Variants in LDLRAD3 observed in about 807,000 individuals in gnomAD.
The protein encoded by LDLRAD3 is low-density lipoprotein receptor class A domain-containing protein 3.
A neutral mutation model predicts 29.4 loss-of-function variants in LDLRAD3; 20 were observed. The ratio of observed to expected loss-of-function variants is 0.68; its 90% CI spans 0.48 to 0.99. The LOEUF is 0.99. Among genes scored for constraint, LDLRAD3 ranks in the 50% least tolerant of loss-of-function variants. The pLI is 0.00. For missense variants in LDLRAD3, 420 were observed against 454.3 expected, an observed-to-expected ratio of 0.92 and a Z score of 0.69; for synonymous variants, 157 against 192.7, an observed-to-expected ratio of 0.81 and a Z score of 1.53.
chr11:36,063,201 G>A (rs1852733474), intron 2 of LDLRAD3, among the ~76,000 whole-genome samples: 1 of 152,142 alleles, frequency 6.6e-6, no homozygotes, highest in Admixed American at 6.5e-5. Flanking sequence ...CTTTGCCTGG[G>A]GAGGAATTGG....
Position 36,054,525 on chromosome 11 carries a change from A to C in LDLRAD3, c.193+18276A>C, listed in dbSNP as rs139836114. ...ACTGAGCCTTCTTTTCCTTCTAAAT[A>C]GAAACATGCCCTCTGGCATCTTCCC... On this transcript the variant is annotated intron_variant, in intron 2 of 5. Coordinates refer to ENST00000315571, the MANE Select transcript of LDLRAD3 (RefSeq NM_174902.4). 9.0e-3 allele frequency among the ~76,000 whole-genome samples: 1,365 copies of C among 152,358 alleles called. 7 individuals carry two copies. The highest frequency in any genetic ancestry group is 0.015 in the Non-Finnish European group (999 of 68,034).
At chr11:35,953,247 C>T (rs569602701) in intron 1 of LDLRAD3, among the ~76,000 whole-genome samples, 6 of 152,268 alleles carry the variant, frequency 3.9e-5, no homozygotes, top group Middle Eastern at 3.4e-3. Flanking sequence ...TCTGTCCTGG[C>T]GAGCGGCCAC....
rs116619553 is a variant in LDLRAD3 at position 36,043,212 on chromosome 11, T to C, written c.193+6963T>C. On this transcript the variant is annotated intron_variant, in intron 2 of 5. Transcript: ENST00000315571. ...CTGTAATCCCAGCTACTTGGGAGAC[T>C]GAGGCACAAGATTTACTTGAACCTG... Among the ~76,000 whole-genome samples, 1,148 of 152,310 alleles carry C rather than the reference T, an allele frequency of 7.5e-3. 11 individuals carry two copies. Among genetic ancestry groups the C allele is most frequent in the African/African-American group, 0.026 (1,075 of 41,562 alleles).
intron 4 of LDLRAD3, among the ~76,000 whole-genome samples, chr11:36,218,735 C>T (rs1855386849): frequency 6.6e-6 from 1 of 152,186 alleles, no homozygotes; most frequent in African/African-American, 2.4e-5. Context: ...GCATCAGTGA[C>T]CAAAGATCAC....
chr11:36,147,869 T>A (rs1363775550), intron 4 of LDLRAD3, among the ~76,000 whole-genome samples: 1 of 152,144 alleles, frequency 6.6e-6, no homozygotes, highest in African/African-American at 2.4e-5. Flanking sequence ...TTGTTTTTTA[T>A]TTTTATTTTT....
chr11:36,075,891 A>G (rs1159787746), intron 2 of LDLRAD3, among the ~76,000 whole-genome samples: 1 of 152,184 alleles, frequency 6.6e-6, no homozygotes, highest in African/African-American at 2.4e-5. Flanking sequence ...GCTATTGGGA[A>G]CTTCAGGTTA....
chr11:35,944,215 T>TGCGATCGCGTCCTCTCCCGGGC lies in LDLRAD3; in HGVS notation c.46+75_46+96dup. On this transcript the variant is annotated intron_variant, in intron 1 of 5. Transcript: ENST00000315571. The surrounding 1 kb of genome is among the most constrained non-coding windows in gnomAD (Gnocchi z 4.9). ...CGGGGCGCGGGGCGCAGCGGCCGGG[T>TGCGATCGCGTCCTCTCCCGGGC]GCGATCGCGTCCTCTCCCGGGCGCG... The TGCGATCGCGTCCTCTCCCGGGC allele has an allele frequency of 2.3e-6, 2 of 868,934 alleles. No homozygotes were observed. Among genetic ancestry groups the TGCGATCGCGTCCTCTCCCGGGC allele is most frequent in the Non-Finnish European group, 2.8e-6 (2 of 723,972 alleles). The allele number at this position is 868,934 out of a possible 1,614,324, so 53.8% of individuals were successfully genotyped here.
intron 2 of LDLRAD3, among the ~76,000 whole-genome samples, chr11:36,054,839 G>GT: frequency 8.5e-6 from 1 of 117,814 alleles, no homozygotes; most frequent in East Asian, 2.6e-4. Context: ...ATGGATGGAT[G>GT]AATGGATGGA....
chr11:36,100,276 C>T (rs1463090188), intron 4 of LDLRAD3, among the ~76,000 whole-genome samples: 5 of 152,172 alleles, frequency 3.3e-5, no homozygotes, highest in Admixed American at 2.0e-4. Context: ...TCTGACTGAA[C>T]GCAACGTATT....
chr11:35,970,116 G>A (rs916552272), intron 1 of LDLRAD3, among the ~76,000 whole-genome samples: 1 of 152,140 alleles, frequency 6.6e-6, no homozygotes, highest in African/African-American at 2.4e-5. Flanking sequence ...AGTGCTTTTA[G>A]GTCATTATTT....
intron 4 of LDLRAD3, among the ~76,000 whole-genome samples, chr11:36,147,746 A>G (rs969903608): frequency 5.9e-5 from 9 of 152,338 alleles, no homozygotes; most frequent in South Asian, 2.1e-4. Flanking sequence ...GACCTCTTAC[A>G]TCACTGCAAA....
intron 4 of LDLRAD3, among the ~76,000 whole-genome samples, chr11:36,154,897 T>A (rs746050177): frequency 2.0e-5 from 3 of 152,164 alleles, no homozygotes; most frequent in Non-Finnish European, 4.4e-5. Flanking sequence ...CAGGAGCTCA[T>A]GCTGTCTTTA....
At chr11:35,955,375 G>T (rs1851188740) in intron 1 of LDLRAD3, among the ~76,000 whole-genome samples, 1 of 152,184 alleles carries the variant, frequency 6.6e-6, no homozygotes, top group South Asian at 2.1e-4. Context: ...CAGGAAGGAA[G>T]CACATCAGTA....
At chr11:36,169,871 G>A (rs4756291) in intron 4 of LDLRAD3, among the ~76,000 whole-genome samples, 121,518 of 152,080 alleles carry the variant, frequency 0.8, 50,704 homozygotes, top group Non-Finnish European at 0.92. Flanking sequence ...TATTTTTTAA[G>A]TTTTTTAATT....
At chr11:35,989,156 G>A (rs997556482) in intron 1 of LDLRAD3, 32 of 152,010 alleles carry the variant, frequency 2.1e-4, no homozygotes, top group African/African-American at 7.0e-4. Context: ...TATTTTTGTC[G>A]ACTTTGTAAA....
chr11:36,014,901 G>T (rs562839213), intron 1 of LDLRAD3, among the ~76,000 whole-genome samples: 2 of 152,098 alleles, frequency 1.3e-5, no homozygotes, highest in Non-Finnish European at 2.9e-5. Flanking sequence ...ACAAAAGAAG[G>T]GGGGAGCCCC....
intron 4 of LDLRAD3, among the ~76,000 whole-genome samples, chr11:36,136,080 C>T (rs953823417): frequency 5.9e-5 from 9 of 152,172 alleles, no homozygotes; most frequent in Non-Finnish European, 1.2e-4. Flanking sequence ...ATAAGATATT[C>T]CTTCTATATA....
chr11:35,968,618 G>A lies in LDLRAD3; in HGVS notation c.46+24474G>A, dbSNP rs562076905. The A allele has an allele frequency of 9.8e-5, 17 of 172,676 alleles. No homozygotes were observed. In the South Asian group the frequency reaches 2.5e-3, roughly 26 times the overall value. The allele number at this position is 172,676 out of a possible 1,614,324, so 10.7% of individuals were successfully genotyped here. On this transcript the variant is annotated intron_variant, in intron 1 of 5. Coordinates refer to ENST00000315571, the MANE Select transcript of LDLRAD3 (RefSeq NM_174902.4). Reference sequence around the variant, plus strand: ...GCTCTGGGCCTCCCTGCTTCCCTGTGCTTTCTTTTGCCCTACATTCTGAGT... The same window carrying A: ...GCTCTGGGCCTCCCTGCTTCCCTGTACTTTCTTTTGCCCTACATTCTGAGT...
At chr11:36,130,535 G>T (rs889861208) in intron 4 of LDLRAD3, among the ~76,000 whole-genome samples, 7 of 152,202 alleles carry the variant, frequency 4.6e-5, no homozygotes, top group African/African-American at 1.7e-4. Context: ...ATGACTCGCA[G>T]GGCTGGGGCA....
Sources: allele counts gnomAD v4.1 joint callset (sites outside exome capture counted in the v4.1 genomes callset), GRCh38; gene constraint gnomAD v4.1.1; non-coding constraint Gnocchi (gnomAD v3.1); transcripts MANE v1.5; gene names NCBI Gene and HGNC (gene_info 2026-07-23, HGNC 2026-07-21).